Variants in ILDR1 observed in about 807,000 individuals in gnomAD.
ILDR1 encodes immunoglobulin like domain containing receptor 1.
In ILDR1, 56 loss-of-function variants were observed where a neutral mutation model predicts 62.4. That is an observed-to-expected ratio of 0.90 (90% CI 0.72 to 1.12). The LOEUF (loss-of-function observed/expected upper bound fraction) is 1.12, where lower values mean the gene tolerates loss of function less well. Among genes scored for constraint, ILDR1 ranks in the 50% most tolerant of loss-of-function variants. ILDR1 has a pLI of 0.00. For synonymous variants in ILDR1, 284 were observed against 277.8 expected (o/e 1.02, Z -0.22); for missense variants, 736 against 710.6 (o/e 1.04, Z -0.41).
At chr3:122,054,813 C>A in the ILDR1 span, among the ~76,000 whole-genome samples, 2 of 152,074 alleles carry the variant, frequency 1.3e-5, no homozygotes, top group Non-Finnish European at 2.9e-5. Context: ...TTTTTTCAGA[C>A]TTCTGTTTCA....
intron 7 of ILDR1, among the ~76,000 whole-genome samples, chr3:121,989,026 G>T: frequency 6.6e-6 from 1 of 152,062 alleles, no homozygotes; most frequent in South Asian, 2.1e-4. Flanking sequence ...TTCTAGCTAC[G>T]GTAGGGGATC....
At chr3:122,046,240 A>C in the ILDR1 span, among the ~76,000 whole-genome samples, 4 of 149,864 alleles carry the variant, frequency 2.7e-5, no homozygotes, top group Non-Finnish European at 4.5e-5. Flanking sequence ...AATGTTGAAT[A>C]TCGGCCCCCA....
chr3:122,055,578 TGC>T, the ILDR1 span: 1 of 1,310,300 alleles, frequency 7.6e-7, no homozygotes. Context: ...TTGAAGATGG[TGC>T]TTTGATGTGT....
At chr3:122,022,892 G>A (rs1341867677), upstream of ILDR1, among the ~76,000 whole-genome samples, 1 of 151,510 alleles carries the variant, frequency 6.6e-6, no homozygotes, top group Non-Finnish European at 1.5e-5. Flanking sequence ...CAGCCTGGGC[G>A]ACAGAGCGAA....
At chr3:122,053,055 A>T in the ILDR1 span, among the ~76,000 whole-genome samples, 1 of 152,146 alleles carries the variant, frequency 6.6e-6, no homozygotes, top group Admixed American at 6.5e-5. Context: ...AGTGTGATGT[A>T]GCCTCTTAGC....
At chr3:122,010,060 G>A (rs1049919527) in intron 1 of ILDR1, among the ~76,000 whole-genome samples, 1 of 152,222 alleles carries the variant, frequency 6.6e-6, no homozygotes, top group African/African-American at 2.4e-5. Context: ...CCAAGAAGCA[G>A]GTAGAACTAA....
chr3:122,001,515 G>A (rs1367487052), intron 4 of ILDR1, 61 bp from the exon 5 acceptor site: 17 of 1,580,826 alleles, frequency 1.1e-5, no homozygotes, highest in East Asian at 2.2e-5. Flanking sequence ...AATACTTCCA[G>A]TTCTGATATC....
upstream of ILDR1, among the ~76,000 whole-genome samples, chr3:122,022,665 C>G (rs2107684154): frequency 6.6e-6 from 1 of 152,270 alleles, no homozygotes; most frequent in Admixed American, 6.5e-5. Flanking sequence ...GCCTGTAATC[C>G]CAGCACTTTG....
At chr3:122,011,892 C>A (rs986137386) in intron 1 of ILDR1, among the ~76,000 whole-genome samples, 1 of 152,072 alleles carries the variant, frequency 6.6e-6, no homozygotes, top group African/African-American at 2.4e-5. Context: ...AGAGTATAAG[C>A]CACACCCCCA....
At chr3:122,027,645 C>T in the ILDR1 span, among the ~76,000 whole-genome samples, 14 of 152,068 alleles carry the variant, frequency 9.2e-5, no homozygotes, top group Non-Finnish European at 1.8e-4. Flanking sequence ...TTTTACAAAC[C>T]GTTTCTAAAA....
the ILDR1 span, among the ~76,000 whole-genome samples, chr3:122,027,768 A>G: frequency 2.0e-5 from 3 of 152,210 alleles, no homozygotes; most frequent in Admixed American, 6.5e-5. Flanking sequence ...ATAATAAACT[A>G]GTAATCTAGG....
intron 7 of ILDR1, among the ~76,000 whole-genome samples, chr3:121,992,804 C>T (rs1483211300): frequency 1.3e-5 from 2 of 152,216 alleles, no homozygotes; most frequent in Non-Finnish European, 2.9e-5. Context: ...GCCACAACAG[C>T]CTGCATTCAA....
chr3:122,051,140 A>G, the ILDR1 span, among the ~76,000 whole-genome samples: 1 of 152,202 alleles, frequency 6.6e-6, no homozygotes, highest in African/African-American at 2.4e-5. Context: ...ATTTAGGCCT[A>G]TTGGGCTTCT....
intron 1 of ILDR1, among the ~76,000 whole-genome samples, chr3:122,021,706 G>A (rs148345821): frequency 3.9e-5 from 6 of 152,338 alleles, no homozygotes; most frequent in East Asian, 1.9e-4. Context: ...TTAAAGAACG[G>A]TGCTTTTGCC....
At chr3:122,029,511 A>ATATAT in the ILDR1 span, among the ~76,000 whole-genome samples, 16,967 of 139,044 alleles carry the variant, frequency 0.12, 1,217 homozygotes, top group Middle Eastern at 0.19. Context: ...GTCTAAAAAA[A>ATATAT]ATATATATAT....
the ILDR1 span, among the ~76,000 whole-genome samples, chr3:122,029,878 G>A: frequency 1.3e-5 from 2 of 152,126 alleles, no homozygotes; most frequent in East Asian, 3.8e-4. Context: ...TTGTTCAAGT[G>A]TGTTTTTAAT....
chr3:122,040,386 C>G, the ILDR1 span, among the ~76,000 whole-genome samples: 1 of 151,572 alleles, frequency 6.6e-6, no homozygotes, highest in Non-Finnish European at 1.5e-5. Flanking sequence ...TAAAAAATAT[C>G]CATAGTTTTA....
chr3:122,004,900 A>G (rs991917983), intron 3 of ILDR1, among the ~76,000 whole-genome samples: 1 of 152,174 alleles, frequency 6.6e-6, no homozygotes, highest in Non-Finnish European at 1.5e-5. Context: ...CTGGGGTTTC[A>G]GTAGGCCCTG....
chr3:122,052,601 C>T, the ILDR1 span, among the ~76,000 whole-genome samples: 1 of 152,076 alleles, frequency 6.6e-6, no homozygotes, highest in Non-Finnish European at 1.5e-5. Context: ...TGAGACGGAG[C>T]GTCGCTTCTT....
Sources: allele counts gnomAD v4.1 joint callset (sites outside exome capture counted in the v4.1 genomes callset), GRCh38; gene constraint gnomAD v4.1.1; transcripts MANE v1.5; gene names NCBI Gene and HGNC (gene_info 2026-07-23, HGNC 2026-07-21).